Variants in STPG4 observed in about 807,000 individuals in gnomAD.
STPG4 encodes sperm-tail PG-rich repeat containing 4.
In STPG4, 41 loss-of-function variants were observed where a neutral mutation model predicts 31.5. The ratio of observed to expected loss-of-function variants is 1.30; its 90% CI spans 1.01 to 1.69. The LOEUF (loss-of-function observed/expected upper bound fraction) is 1.69. STPG4 is among the 40% of genes most tolerant of loss of function. The pLI, the probability that STPG4 is intolerant of heterozygous loss-of-function variation, is 0.00. For missense variants in STPG4, 375 were observed against 293.4 expected, an observed-to-expected ratio of 1.28 and a Z score of -2.03; for synonymous variants, 141 against 103.0, an observed-to-expected ratio of 1.37 and a Z score of -2.24.
chr2:47,098,013 C>T (rs896287362), intron 5 of STPG4, among the ~76,000 whole-genome samples: 3 of 151,630 alleles, frequency 2.0e-5, no homozygotes, highest in Non-Finnish European at 4.4e-5. Flanking sequence ...CAGGTTAACA[C>T]CTTTTTGCTT....
At chr2:47,141,221 C>G (rs1686697327) in intron 3 of STPG4, among the ~76,000 whole-genome samples, 1 of 151,680 alleles carries the variant, frequency 6.6e-6, no homozygotes. Flanking sequence ...CTTTAAGTGT[C>G]TCTTCTCTCT....
At chr2:47,118,534 C>T (rs1033959353) in intron 5 of STPG4, among the ~76,000 whole-genome samples, 2 of 152,232 alleles carry the variant, frequency 1.3e-5, no homozygotes, top group East Asian at 1.9e-4. Context: ...CCATTCCCCA[C>T]TCCAACCCTG....
At chr2:47,137,496 A>ATGAGTTAGGAGGTGTGTCCCC (rs1485022943) in intron 3 of STPG4, among the ~76,000 whole-genome samples, 2 of 152,202 alleles carry the variant, frequency 1.3e-5, no homozygotes, top group African/African-American at 4.8e-5. Flanking sequence ...GCCTAATAGA[A>ATGAGTTAGGAGGTGTGTCCCC]TGAGTTAGGA....
intron 5 of STPG4, among the ~76,000 whole-genome samples, chr2:47,114,130 G>A (rs1039913520): frequency 6.6e-6 from 1 of 152,092 alleles, no homozygotes; most frequent in Non-Finnish European, 1.5e-5. Context: ...TAGCACTTAG[G>A]GAGGCAGAGG....
chr2:47,109,594 G>C (rs562335690), intron 5 of STPG4, among the ~76,000 whole-genome samples: 95 of 150,028 alleles, frequency 6.3e-4, no homozygotes, highest in Non-Finnish European at 1.2e-3. Flanking sequence ...ACATCTATAA[G>C]CTATATTTGA....
intron 5 of STPG4, among the ~76,000 whole-genome samples, chr2:47,104,479 C>T (rs1397367375): frequency 1.3e-5 from 2 of 151,986 alleles, no homozygotes; most frequent in African/African-American, 2.4e-5. Context: ...CTCTCATATA[C>T]CAGAGGAAGC....
intron 3 of STPG4, 140 bp from the exon 4 acceptor site, chr2:47,130,400 T>C (rs2103780520): frequency 1.4e-6 from 1 of 690,830 alleles, no homozygotes; most frequent in East Asian, 2.8e-5. Context: ...AAAAGGAAAA[T>C]GTACATTTCC....
At chr2:47,155,145 G>C in intron 1 of STPG4, 26 bp downstream of exon 1, 1 of 1,610,934 alleles carries the variant, frequency 6.2e-7, no homozygotes, top group Non-Finnish European at 8.5e-7. Context: ...GCAGGAGCCA[G>C]GCCGGCAAGG....
chr2:47,093,157 G>C (rs1685605161), intron 5 of STPG4, among the ~76,000 whole-genome samples: 1 of 152,278 alleles, frequency 6.6e-6, no homozygotes, highest in Non-Finnish European at 1.5e-5. Context: ...TGTAATTGGG[G>C]CTGCCATTCT....
At chr2:47,124,334 C>T (rs1055523970) in intron 5 of STPG4, among the ~76,000 whole-genome samples, 1 of 152,096 alleles carries the variant, frequency 6.6e-6, no homozygotes, top group African/African-American at 2.4e-5. Flanking sequence ...ACCTGTTGTG[C>T]TATCAAATAC....
intron 3 of STPG4, among the ~76,000 whole-genome samples, chr2:47,135,549 G>C (rs1182862725): frequency 6.6e-6 from 1 of 152,036 alleles, no homozygotes; most frequent in African/African-American, 2.4e-5. Flanking sequence ...ACCACGTCTG[G>C]CTAATTTTTA....
intron 1 of STPG4, among the ~76,000 whole-genome samples, chr2:47,154,953 G>A (rs1445062672): frequency 6.6e-6 from 1 of 152,074 alleles, no homozygotes; most frequent in East Asian, 1.9e-4. Flanking sequence ...GAAGGAAAAG[G>A]GAAGAAGCAA....
At chr2:47,155,007 G>A (rs1686999928) in intron 1 of STPG4, among the ~76,000 whole-genome samples, 164 bp downstream of exon 1, 1 of 152,186 alleles carries the variant, frequency 6.6e-6, no homozygotes, top group Non-Finnish European at 1.5e-5. Flanking sequence ...TAAAGACCAG[G>A]AAGGAAGGTC....
chr2:47,147,206 T>A (rs1686841592), intron 3 of STPG4, among the ~76,000 whole-genome samples: 1 of 152,100 alleles, frequency 6.6e-6, no homozygotes. Context: ...AGAAGTCCAT[T>A]CAGTGCCCAT....
intron 5 of STPG4, among the ~76,000 whole-genome samples, chr2:47,106,417 G>A (rs4429519): frequency 0.83 from 126,696 of 151,818 alleles, 53,671 homozygotes; most frequent in South Asian, 0.94. Flanking sequence ...AGGAATGGCT[G>A]CTGCTACAGG....
intron 1 of STPG4, among the ~76,000 whole-genome samples, chr2:47,153,794 G>A (rs1016762395): frequency 2.0e-5 from 3 of 152,034 alleles, no homozygotes; most frequent in Non-Finnish European, 4.4e-5. Context: ...AAAAGACTAA[G>A]GCATTGTACT....
chr2:47,110,339 A>T (rs918103489), intron 5 of STPG4, among the ~76,000 whole-genome samples: 3 of 152,202 alleles, frequency 2.0e-5, no homozygotes, highest in Non-Finnish European at 4.4e-5. Flanking sequence ...CACGCCTGTA[A>T]TCCCAGCACT....
At chr2:47,095,645 G>A (rs1457704759) in intron 5 of STPG4, among the ~76,000 whole-genome samples, 3 of 152,200 alleles carry the variant, frequency 2.0e-5, no homozygotes, top group Non-Finnish European at 4.4e-5. Context: ...CATTGTTCCA[G>A]GCCATGGGCT....
chr2:47,110,613 T>C (rs1353459111), intron 5 of STPG4, among the ~76,000 whole-genome samples: 2 of 152,172 alleles, frequency 1.3e-5, no homozygotes, highest in Non-Finnish European at 2.9e-5. Flanking sequence ...AAATTATATT[T>C]TGAAATACTG....
Sources: allele counts gnomAD v4.1 joint callset (sites outside exome capture counted in the v4.1 genomes callset), GRCh38; gene constraint gnomAD v4.1.1; transcripts MANE v1.5; gene names NCBI Gene and HGNC (gene_info 2026-07-23, HGNC 2026-07-21).